The following NFATC2 variants were observed in gnomAD, a reference collection of about 807,000 sequenced individuals.
NFATC2 encodes the protein nuclear factor of activated T cells 2, also known as nuclear factor of activated T-cells, cytoplasmic 2.
A neutral mutation model predicts 87.3 loss-of-function variants in NFATC2; 22 were observed. That is an observed-to-expected ratio of 0.25 (90% CI 0.18 to 0.36). The LOEUF (loss-of-function observed/expected upper bound fraction) is 0.36. NFATC2 is among the 10% of genes least tolerant of loss of function. The pLI is 1.00. For synonymous variants in NFATC2, 565 were observed against 542.2 expected (o/e 1.04, Z -0.58); for missense variants, 1,149 against 1,259.1 (o/e 0.91, Z 1.32).
intron 9 of NFATC2, among the ~76,000 whole-genome samples, chr20:51,411,116 G>A (rs1272844340): frequency 1.3e-5 from 2 of 152,154 alleles, no homozygotes; most frequent in Non-Finnish European, 1.5e-5. Flanking sequence ...TGACCCATGA[G>A]GTAAGTGTTA....
chr20:51,455,892 A>G (rs954205635), intron 5 of NFATC2, among the ~76,000 whole-genome samples: 8 of 3,298 alleles, frequency 2.4e-3, no homozygotes, highest in Non-Finnish European at 4.2e-3. Context: ...GGATGAGTGG[A>G]TGGGTGGGTG....
chr20:51,556,649 A>C (rs2076980744), intron 1 of NFATC2, among the ~76,000 whole-genome samples: 1 of 152,210 alleles, frequency 6.6e-6, no homozygotes, highest in Admixed American at 6.5e-5. Flanking sequence ...TGTGAAGGAA[A>C]GGAGAGAAAC....
intron 2 of NFATC2, 131 bp from the exon 3 acceptor site, chr20:51,517,086 C>T (rs969410497): frequency 3.3e-5 from 31 of 940,000 alleles, no homozygotes; most frequent in African/African-American, 2.7e-4. Flanking sequence ...GGATACGTTC[C>T]GGGAAATGCA....
At chr20:51,403,389 C>T (rs1340396882) in intron 9 of NFATC2, among the ~76,000 whole-genome samples, 2 of 152,198 alleles carry the variant, frequency 1.3e-5, no homozygotes, top group Non-Finnish European at 2.9e-5. Context: ...GGACTGTATT[C>T]ATGGGTGACA....
upstream of NFATC2, chr20:51,562,694 G>A (rs936999929): frequency 2.1e-6 from 3 of 1,459,784 alleles, no homozygotes; most frequent in Non-Finnish European, 2.8e-6. This position sits in a 1 kb window ranked among gnomAD's most constrained non-coding sequence, Gnocchi z 5.8. Context: ...ACCAGCAGCC[G>A]AGGGGACGCC....
Position 51,542,470 on chromosome 20 carries a change from G to T in NFATC2, c.30C>A (p.Pro10=), listed in dbSNP as rs999577475. The change falls in exon 1 of 11, where the codon CCC becomes CCA. Residue 10 remains proline (P), a synonymous_variant. Coordinates refer to ENST00000371564, the MANE Select transcript of NFATC2 (RefSeq NM_012340.5). MNAPERQPQ[P]DGGDAPGHEP... Reference sequence around the variant, plus strand: ...CGTGGCCTGGGGCGTCCCCGCCGTCGGGTTGGGGCTGCCGCTCGGGGGCGT... The same window carrying T: ...CGTGGCCTGGGGCGTCCCCGCCGTCTGGTTGGGGCTGCCGCTCGGGGGCGT... 2 of 1,564,324 alleles carry T rather than the reference G, an allele frequency of 1.3e-6. No homozygotes were observed. Among genetic ancestry groups the T allele is most frequent in the Admixed American group, 3.9e-5 (2 of 51,212 alleles).
intron 6 of NFATC2, among the ~76,000 whole-genome samples, chr20:51,444,600 G>A (rs780955179): frequency 6.6e-5 from 10 of 152,210 alleles, no homozygotes; most frequent in Admixed American, 4.6e-4. Context: ...ATCCTCACCC[G>A]GGCTGTGAGC....
chr20:51,539,956 G>A (rs944788963), intron 1 of NFATC2, among the ~76,000 whole-genome samples: 1 of 152,214 alleles, frequency 6.6e-6, no homozygotes, highest in Admixed American at 6.5e-5. Context: ...ACTGAGAAAA[G>A]CTACCTCTAC....
intron 3 of NFATC2, among the ~76,000 whole-genome samples, chr20:51,491,559 T>C (rs1394256029): frequency 6.6e-6 from 1 of 152,092 alleles, no homozygotes; most frequent in Non-Finnish European, 1.5e-5. Context: ...GACGATACTG[T>C]ATATGGAGCT....
chr20:51,388,753 G>A lies in NFATC2; in HGVS notation c.*2743C>T, dbSNP rs1317998753. On this transcript the variant is annotated 3_prime_UTR_variant, in exon 11 of 11. Transcript: ENST00000371564. ...GGAAATATACTACATTCAGCAACAC[G>A]GTAGACCTGTCAGAGTGCTACATAT... is the stretch of plus-strand genomic sequence containing the variant. The A allele has an allele frequency of 2.0e-5, 3 of 152,308 alleles. No homozygotes were observed. The highest frequency in any genetic ancestry group is 1.3e-4 in the Admixed American group (2 of 15,302). 9.4% of individuals were successfully genotyped at this position (152,308 alleles called of 1,614,324 possible). A position where few individuals can be genotyped will look rare whatever the true frequency, so the allele number is the denominator to read the frequency against.
intron 9 of NFATC2, among the ~76,000 whole-genome samples, chr20:51,404,766 C>T (rs1037819079): frequency 1.3e-5 from 2 of 152,196 alleles, no homozygotes; most frequent in Non-Finnish European, 2.9e-5. Flanking sequence ...CTGAGAGGGG[C>T]CCCTCCCAGG....
chr20:51,455,859 GGTAGATAGATGGGTGGATGGATGGATGA>G (rs1986410061), intron 5 of NFATC2, among the ~76,000 whole-genome samples: 1 of 52,226 alleles, frequency 1.9e-5, no homozygotes, highest in Non-Finnish European at 3.7e-5. Context: ...TGGGTGGGTG[GGTAGATAGATGGGTGGATGGATGGATGA>G]GTGGATGGGT....
At chr20:51,514,425 T>C (rs1318659935) in intron 3 of NFATC2, among the ~76,000 whole-genome samples, 7 of 152,224 alleles carry the variant, frequency 4.6e-5, no homozygotes. Context: ...GATGGTGATA[T>C]ACAATGAAGA....
At chr20:51,499,658 G>A (rs963924445) in intron 3 of NFATC2, among the ~76,000 whole-genome samples, 12 of 151,552 alleles carry the variant, frequency 7.9e-5, no homozygotes, top group South Asian at 6.3e-4. Context: ...CAGGAGAATC[G>A]CTTGAATCCG....
upstream of NFATC2, among the ~76,000 whole-genome samples, chr20:51,547,566 C>T (rs1223454801): frequency 6.6e-6 from 1 of 152,136 alleles, no homozygotes; most frequent in African/African-American, 2.4e-5. Context: ...CAACCTGGGC[C>T]TCTCCACAGA....
intron 3 of NFATC2, among the ~76,000 whole-genome samples, chr20:51,481,256 T>C (rs1989228137): frequency 6.6e-6 from 1 of 152,156 alleles, no homozygotes; most frequent in East Asian, 1.9e-4. Flanking sequence ...GAACTTGATG[T>C]TTTGAGATGA....
chr20:51,465,879 T>C (rs973535257), intron 5 of NFATC2, among the ~76,000 whole-genome samples: 1 of 152,094 alleles, frequency 6.6e-6, no homozygotes, highest in African/African-American at 2.4e-5. Flanking sequence ...GCATCCCTAG[T>C]GCCCAGAACA....
chr20:51,510,326 A>G (rs2146668122), intron 3 of NFATC2, among the ~76,000 whole-genome samples: 1 of 152,334 alleles, frequency 6.6e-6, no homozygotes, highest in Middle Eastern at 3.4e-3. Context: ...CAACTGGGAT[A>G]TTATTAGACC....
chr20:51,517,156 C>G (rs1339367770), intron 2 of NFATC2, among the ~76,000 whole-genome samples: 1 of 152,144 alleles, frequency 6.6e-6, no homozygotes, highest in Non-Finnish European at 1.5e-5. Context: ...CTACTACATA[C>G]CTACACTATA....
Sources: gnomAD v4.1 joint callset for allele counts (sites outside exome capture counted in the v4.1 genomes callset) on GRCh38, gnomAD v4.1.1 for gene constraint, Gnocchi (gnomAD v3.1) non-coding constraint, MANE v1.5 for transcripts, NCBI Gene and HGNC (gene_info 2026-07-23, HGNC 2026-07-21) for gene names.